NTRK3: variants seen among roughly 807,000 people sequenced by gnomAD.
NTRK3 encodes NT-3 growth factor receptor.
In NTRK3, 24 loss-of-function variants were observed where a neutral mutation model predicts 91.7. The observed-to-expected ratio is 0.26, with a 90% CI of 0.19 to 0.37. The LOEUF (loss-of-function observed/expected upper bound fraction) is 0.37, where lower values mean the gene tolerates loss of function less well. Ranked by LOEUF, NTRK3 falls within the 10% of genes least tolerant of loss-of-function variation. The pLI, the probability that NTRK3 is intolerant of heterozygous loss-of-function variation, is 1.00. For synonymous variants in NTRK3, 483 were observed against 404.0 expected, an observed-to-expected ratio of 1.20 and a Z score of -2.34; for missense variants, 880 against 1,068.9, an observed-to-expected ratio of 0.82 and a Z score of 2.46.
intron 13 of NTRK3, among the ~76,000 whole-genome samples, chr15:88,121,049 A>G (rs1464760628): frequency 2.0e-5 from 3 of 152,236 alleles, no homozygotes; most frequent in Non-Finnish European, 4.4e-5. Context: ...GTATTTAAAG[A>G]TACTTATGAG....
At chr15:88,191,719 G>T (rs1262290254) in intron 3 of NTRK3, among the ~76,000 whole-genome samples, 9 of 152,248 alleles carry the variant, frequency 5.9e-5, no homozygotes, top group Admixed American at 5.9e-4. Flanking sequence ...TAGTGATCCA[G>T]ACAGCAACAT....
At chr15:88,050,485 C>T (rs1483762266) in intron 13 of NTRK3, among the ~76,000 whole-genome samples, 1 of 146,142 alleles carries the variant, frequency 6.8e-6, no homozygotes, top group Non-Finnish European at 1.5e-5. Flanking sequence ...TCAATATATA[C>T]CGTGTGTGTG....
chr15:88,091,490 T>C (rs770144072), intron 13 of NTRK3, among the ~76,000 whole-genome samples: 2 of 152,212 alleles, frequency 1.3e-5, no homozygotes, highest in Non-Finnish European at 2.9e-5. Flanking sequence ...CAAATGACTG[T>C]GTTGAGAAGT....
chr15:87,985,524 C>G (rs556828702), intron 14 of NTRK3, among the ~76,000 whole-genome samples: 55 of 152,218 alleles, frequency 3.6e-4, no homozygotes, highest in African/African-American at 1.3e-3. Context: ...ACTGAGACCC[C>G]CAACTTCAGT....
chr15:88,191,163 C>CGT (rs60048541), intron 3 of NTRK3, among the ~76,000 whole-genome samples: 12,405 of 137,820 alleles, frequency 0.09, 526 homozygotes, highest in Middle Eastern at 0.12. Flanking sequence ...TGATGTTTCC[C>CGT]GTGTGTGTGT....
chr15:88,089,599 T>A (rs1012640186), intron 13 of NTRK3, among the ~76,000 whole-genome samples: 1 of 152,224 alleles, frequency 6.6e-6, no homozygotes, highest in African/African-American at 2.4e-5. Flanking sequence ...ACAAACTAGC[T>A]GAGTCCCATT....
intron 16 of NTRK3, 112 bp downstream of exon 16, chr15:87,932,900 C>A: frequency 1.8e-6 from 2 of 1,082,132 alleles, no homozygotes; most frequent in Non-Finnish European, 2.8e-6. Context: ...TCTAATTTCT[C>A]ATCCTGAGAG....
chr15:87,996,541 T>C (rs1273342809), intron 14 of NTRK3, among the ~76,000 whole-genome samples: 2 of 152,180 alleles, frequency 1.3e-5, no homozygotes, highest in Non-Finnish European at 2.9e-5. Context: ...AGTGTGATTA[T>C]GACAAGACCA....
chr15:88,212,871 C>A (rs915786966), intron 3 of NTRK3, among the ~76,000 whole-genome samples: 9 of 152,170 alleles, frequency 5.9e-5, no homozygotes, highest in African/African-American at 2.2e-4. Context: ...AATGTCAGGG[C>A]CCCCACACTG....
At chr15:87,941,316 C>T (rs7164421) in intron 14 of NTRK3, among the ~76,000 whole-genome samples, 73,044 of 151,988 alleles carry the variant, frequency 0.48, 18,537 homozygotes, top group African/African-American at 0.65. Flanking sequence ...AGAGCCTCAA[C>T]TTCCTCATCT....
chr15:88,181,450 C>A (rs77848239), intron 5 of NTRK3, among the ~76,000 whole-genome samples: 2 of 152,240 alleles, frequency 1.3e-5, no homozygotes, highest in East Asian at 3.9e-4. Flanking sequence ...CAAGATGTAA[C>A]CCTGCTCCCA....
At chr15:88,238,608 A>G (rs2052026021) in intron 3 of NTRK3, among the ~76,000 whole-genome samples, 1 of 152,242 alleles carries the variant, frequency 6.6e-6, no homozygotes, top group Non-Finnish European at 1.5e-5. Context: ...ACAACGTATT[A>G]TATCGGTCAT....
chr15:88,158,678 C>T (rs1370019001), intron 5 of NTRK3, among the ~76,000 whole-genome samples: 1 of 152,160 alleles, frequency 6.6e-6, no homozygotes, highest in Admixed American at 6.5e-5. Context: ...GATAAATTAA[C>T]CTAAGGCTAA....
intron 14 of NTRK3, among the ~76,000 whole-genome samples, chr15:87,985,542 G>A (rs181079042): frequency 6.4e-4 from 97 of 152,232 alleles, no homozygotes; most frequent in Admixed American, 1.5e-3. Context: ...AGTATGGGCC[G>A]CCTCTTCCTA....
intron 17 of NTRK3, among the ~76,000 whole-genome samples, chr15:87,885,187 C>T (rs1193905021): frequency 6.6e-6 from 1 of 151,836 alleles, no homozygotes; most frequent in Non-Finnish European, 1.5e-5. Flanking sequence ...GTTTAAAACA[C>T]CTCAGCATAA....
chr15:88,055,807 C>T (rs1320184390), intron 13 of NTRK3, among the ~76,000 whole-genome samples: 3 of 152,164 alleles, frequency 2.0e-5, no homozygotes, highest in African/African-American at 7.2e-5. Context: ...TTAAACGGGG[C>T]AGCCTCAAGG....
chr15:87,902,358 C>A (rs971900667), intron 17 of NTRK3, among the ~76,000 whole-genome samples: 7 of 152,250 alleles, frequency 4.6e-5, no homozygotes, highest in African/African-American at 1.7e-4. Flanking sequence ...GCCTTCACTA[C>A]TGAACATCTA....
exon 19 of NTRK3, chr15:87,861,536 G>A: frequency 5.1e-6 from 1 of 196,288 alleles, no homozygotes; most frequent in Non-Finnish European, 1.1e-5. Flanking sequence ...AGCCATTCAT[G>A]CAAAAAATTA....
chr15:88,211,068 T>C (rs2049199739), intron 3 of NTRK3, among the ~76,000 whole-genome samples: 1 of 152,218 alleles, frequency 6.6e-6, no homozygotes, highest in Non-Finnish European at 1.5e-5. Flanking sequence ...ACATGTATAA[T>C]TTAGTGGCAT....
Sources: gnomAD v4.1 joint callset for allele counts (sites outside exome capture counted in the v4.1 genomes callset) on GRCh38, gnomAD v4.1.1 for gene constraint, MANE v1.5 for transcripts, NCBI Gene and HGNC (gene_info 2026-07-23, HGNC 2026-07-21) for gene names.